The following CLASP2 variants were observed in gnomAD, a reference collection of about 807,000 sequenced individuals.
CLASP2 encodes cytoplasmic linker associated protein 2.
CLASP2 carries 47 observed loss-of-function variants against 194.4 expected under a neutral mutation model. That is an observed-to-expected ratio of 0.24 (90% confidence interval 0.19 to 0.31). CLASP2 has a LOEUF of 0.31. Ranked by LOEUF, CLASP2 falls within the 10% of genes least tolerant of loss-of-function variation. The probability of loss-of-function intolerance (pLI) is 1.00; values close to 1 mark genes in which losing one functional copy is unlikely to be tolerated. For missense variants in CLASP2, 1,445 were observed against 1,823.6 expected (o/e 0.79, Z 3.78); for synonymous variants, 619 against 633.5 (o/e 0.98, Z 0.34).
At chr3:33,587,420 G>A (rs991316533) in intron 21 of CLASP2, among the ~76,000 whole-genome samples, 12 of 152,096 alleles carry the variant, frequency 7.9e-5, no homozygotes, top group East Asian at 5.8e-4. Flanking sequence ...CACCGCACCC[G>A]GCCGATCTGT....
intron 23 of CLASP2, among the ~76,000 whole-genome samples, chr3:33,577,975 A>G (rs2065249882): frequency 6.6e-6 from 1 of 152,246 alleles, no homozygotes; most frequent in South Asian, 2.1e-4. Context: ...ATTTAAAAGT[A>G]CATAATCTAT....
intron 37 of CLASP2, among the ~76,000 whole-genome samples, chr3:33,507,166 A>AC: frequency 6.6e-6 from 1 of 152,036 alleles, no homozygotes; most frequent in African/African-American, 2.4e-5. Context: ...TGAACTCCTG[A>AC]CCTCAGGTGA....
At chr3:33,670,293 T>C (rs907086471) in intron 6 of CLASP2, among the ~76,000 whole-genome samples, 1 of 152,200 alleles carries the variant, frequency 6.6e-6, no homozygotes, top group Non-Finnish European at 1.5e-5. Context: ...GGATTTGAAG[T>C]GGCTTCTGGG....
At chr3:33,560,738 C>T in intron 28 of CLASP2, 70 bp downstream of exon 28, 1 of 1,368,532 alleles carries the variant, frequency 7.3e-7, no homozygotes, top group East Asian at 2.3e-5. Context: ...GAAATCTGAA[C>T]TATTAACACA....
chr3:33,526,241 T>G (rs1287902811), intron 34 of CLASP2, among the ~76,000 whole-genome samples: 1 of 151,966 alleles, frequency 6.6e-6, no homozygotes, highest in Non-Finnish European at 1.5e-5. Context: ...CCCAAAGTGC[T>G]CAGATGTCAT....
chr3:33,715,903 T>C (rs2093275088), intron 1 of CLASP2, among the ~76,000 whole-genome samples: 1 of 113,980 alleles, frequency 8.8e-6, no homozygotes, highest in Non-Finnish European at 1.8e-5. Context: ...ACTTAGCTTA[T>C]AAAACTTAAA....
rs539341645 is a variant in CLASP2 at position 33,598,151 on chromosome 3, T to C, written c.1925-1417A>G. 2.6e-4 allele frequency among the ~76,000 whole-genome samples: 40 copies of C among 151,426 alleles called. No individual in the cohort carries two copies. In the East Asian group the frequency reaches 7.2e-3, roughly 27 times the overall value. The stretch of plus-strand genomic sequence containing the variant: ...CCTGCGTCTAGACTCCTTCAGACTA[T>C]CTCACAGGTCTTTTTTTTTTTTTCA... On this transcript the variant is annotated intron_variant, in intron 18 of 38. Transcript: ENST00000682230.
chr3:33,562,642 C>T (rs898856022), intron 27 of CLASP2, among the ~76,000 whole-genome samples: 2 of 152,112 alleles, frequency 1.3e-5, no homozygotes, highest in African/African-American at 2.4e-5. Flanking sequence ...TTTACTAGGA[C>T]ACCATTGTCC....
chr3:33,655,735 C>T (rs1414895468), intron 7 of CLASP2, among the ~76,000 whole-genome samples: 1 of 152,040 alleles, frequency 6.6e-6, no homozygotes, highest in African/African-American at 2.4e-5. Flanking sequence ...AATTGTAAAT[C>T]AAGTTTTATA....
intron 23 of CLASP2, among the ~76,000 whole-genome samples, chr3:33,577,535 C>CA (rs1477640689): frequency 4.7e-5 from 7 of 150,126 alleles, no homozygotes; most frequent in Admixed American, 1.3e-4. Flanking sequence ...AAGCATGAAA[C>CA]AAAAAAACGA....
At chr3:33,706,392 A>G (rs575138815) in intron 1 of CLASP2, among the ~76,000 whole-genome samples, 3 of 152,356 alleles carry the variant, frequency 2.0e-5, no homozygotes, top group Non-Finnish European at 4.4e-5. Flanking sequence ...AATGAAATAA[A>G]ATAAATGAAT....
In CLASP2 at chr3:33,607,375, C is replaced by T. The variant is rs1560283061; in HGVS notation, c.1526+9G>A. 1.9e-6 allele frequency: 3 copies of T among 1,590,840 alleles called. No individual in the cohort carries two copies. The highest frequency in any genetic ancestry group is 2.6e-6 in the Non-Finnish European group (3 of 1,167,060). ...TAAACTGTCACAAAACTATACTACACTGACTTACTTTCTTGCCTCCACTCT... is the reference window on the plus strand; with the variant it reads ...TAAACTGTCACAAAACTATACTACATTGACTTACTTTCTTGCCTCCACTCT... On this transcript the variant is annotated intron_variant, in intron 15 of 38. Coordinates refer to ENST00000682230, the MANE Select transcript of CLASP2 (RefSeq NM_001365631.1).
intron 34 of CLASP2, among the ~76,000 whole-genome samples, chr3:33,530,419 A>C (rs1238872673): frequency 6.6e-6 from 1 of 152,186 alleles, no homozygotes; most frequent in Non-Finnish European, 1.5e-5. Flanking sequence ...GCAATGAACC[A>C]AGATCATGCC....
At chr3:33,667,406 C>CAAAAAAAAAAAAAAAAAAAAAAAA (rs537846651) in intron 6 of CLASP2, among the ~76,000 whole-genome samples, 4 of 44,130 alleles carry the variant, frequency 9.1e-5, no homozygotes, top group African/African-American at 4.3e-4. Flanking sequence ...GAGACTATCT[C>CAAAAAAAAAAAAAAAAAAAAAAAA]AAAAAAAAAA....
intron 7 of CLASP2, chr3:33,645,247 T>C (rs1559511995): frequency 1.3e-6 from 1 of 765,262 alleles, no homozygotes; most frequent in Non-Finnish European, 2.4e-6. Context: ...TAGCACGCCC[T>C]GCCTTATTCC....
intron 1 of CLASP2, among the ~76,000 whole-genome samples, chr3:33,701,557 C>T (rs113549574): frequency 2.0e-5 from 3 of 152,188 alleles, no homozygotes; most frequent in African/African-American, 7.2e-5. Context: ...GAATGCACCA[C>T]TGCACTCCAG....
chr3:33,711,747 A>C (rs1326425213), intron 1 of CLASP2, among the ~76,000 whole-genome samples: 1 of 152,190 alleles, frequency 6.6e-6, no homozygotes, highest in Non-Finnish European at 1.5e-5. Flanking sequence ...AAGAAGATAT[A>C]CAACTGGCCA....
Position 33,574,178 on chromosome 3 carries a change from T to C in CLASP2, c.2455-824A>G, listed in dbSNP as rs559508274. On this transcript the variant is annotated intron_variant, in intron 24 of 38. Transcript: ENST00000682230. ...AACAAATCTTTATGTTATCTGATAC[T>C]TGAATTTTGGCTGATGAGTGGTGAA... Among the ~76,000 whole-genome samples the C allele has an allele frequency of 7.2e-5, 11 of 152,258 alleles. No homozygotes were observed. In the South Asian group the frequency reaches 1.0e-3, roughly 14 times the overall value.
intron 34 of CLASP2, among the ~76,000 whole-genome samples, chr3:33,530,006 A>AAAAT (rs2055844713): frequency 6.6e-6 from 1 of 150,728 alleles, no homozygotes; most frequent in African/African-American, 2.5e-5. Flanking sequence ...AAAAAAAAAA[A>AAAAT]AAAAAGATCT....
Sources: gnomAD v4.1 joint callset for allele counts (sites outside exome capture counted in the v4.1 genomes callset) on GRCh38, gnomAD v4.1.1 for gene constraint, MANE v1.5 for transcripts, NCBI Gene and HGNC (gene_info 2026-07-23, HGNC 2026-07-21) for gene names.